The following SYT17 variants were observed in gnomAD, a reference collection of about 807,000 sequenced individuals.
The protein encoded by SYT17 is synaptotagmin 17.
Under a neutral mutation model 46.7 loss-of-function variants are expected in SYT17, and 22 were observed. The ratio of observed to expected loss-of-function variants is 0.47; its 90% CI spans 0.34 to 0.67. SYT17 has a LOEUF of 0.67. SYT17 is among the 30% of genes least tolerant of loss of function. SYT17 has a pLI of 0.01. For missense variants in SYT17, 519 were observed against 612.8 expected (o/e 0.85, Z 1.62); for synonymous variants, 251 against 248.4 (o/e 1.01, Z -0.10).
At chr16:19,177,883 C>T (rs1176886201) in intron 3 of SYT17, among the ~76,000 whole-genome samples, 1 of 152,188 alleles carries the variant, frequency 6.6e-6, no homozygotes, top group Admixed American at 6.5e-5. Context: ...CTACAATGTG[C>T]AGAGCTCTTA....
chr16:19,233,387 C>A (rs747541897), intron 7 of SYT17, among the ~76,000 whole-genome samples: 7 of 151,812 alleles, frequency 4.6e-5, no homozygotes, highest in African/African-American at 9.7e-5. Context: ...CACAGTGACT[C>A]ACATGTATAA....
In SYT17 at chr16:19,168,731, G is replaced by T; in HGVS notation, c.15+70G>T. 7.1e-7 allele frequency: 1 copy of T among 1,412,578 alleles called. No homozygotes were observed. Among genetic ancestry groups the T allele is most frequent in the Non-Finnish European group, 9.3e-7 (1 of 1,078,240 alleles). 87.5% of individuals were successfully genotyped at this position (1,412,578 alleles called of 1,614,324 possible). A position where few individuals can be genotyped will look rare whatever the true frequency, so the allele number is the denominator to read the frequency against. ...TGCCGCGCCCCCTCCGGCTGGGAGC[G>T]CGCGGAAGGGAGGGCCCACGGCTAG... On this transcript the variant is annotated intron_variant, in intron 1 of 7. Transcript: ENST00000355377. The surrounding 1 kb of genome is among the most constrained non-coding windows in gnomAD (Gnocchi z 6.9).
chr16:19,234,140 A>G (rs1208642714), intron 7 of SYT17, among the ~76,000 whole-genome samples: 6 of 152,148 alleles, frequency 3.9e-5, no homozygotes, highest in African/African-American at 1.4e-4. Flanking sequence ...AGCTTGGGCA[A>G]CATAGCGAGA....
intron 4 of SYT17, among the ~76,000 whole-genome samples, chr16:19,182,060 G>A (rs1964581391): frequency 6.6e-6 from 1 of 151,350 alleles, no homozygotes; most frequent in African/African-American, 2.4e-5. Flanking sequence ...TTTTTATATT[G>A]GTTCCATGTT....
At chr16:19,200,462 T>C (rs1360847324) in intron 5 of SYT17, among the ~76,000 whole-genome samples, 2 of 152,220 alleles carry the variant, frequency 1.3e-5, no homozygotes, top group Admixed American at 1.3e-4. Flanking sequence ...ATCCATTGCC[T>C]CTTGTACATT....
chr16:19,219,258 C>T lies in SYT17; in HGVS notation c.952-3787C>T, dbSNP rs1596971057. 5.3e-5 allele frequency among the ~76,000 whole-genome samples: 2 copies of T among 37,430 alleles called. 1 individual carries two copies. The highest frequency in any genetic ancestry group is 8.6e-5 in the Non-Finnish European group (2 of 23,174). 24.6% of individuals were successfully genotyped at this position (37,430 alleles called of 152,430 possible). ...TCTACTAAAAATACAAAAAATTAGC[C>T]GGGCGCGGTGGCGGGCGCCTGTAGT... On this transcript the variant is annotated intron_variant, in intron 5 of 7. Transcript: ENST00000355377.
chr16:19,194,215 CT>C (rs1176701656), intron 5 of SYT17, among the ~76,000 whole-genome samples: 1 of 152,188 alleles, frequency 6.6e-6, no homozygotes, highest in East Asian at 1.9e-4. Flanking sequence ...AAGTGACTGT[CT>C]TGGCAGCCAT....
chr16:19,201,146 G>C (rs530244462), intron 5 of SYT17, among the ~76,000 whole-genome samples: 31 of 152,320 alleles, frequency 2.0e-4, no homozygotes, highest in African/African-American at 6.7e-4. Context: ...TAGAACCTGT[G>C]TGAGAGAGGA....
At chr16:19,173,301 C>T (rs1014691817) in intron 2 of SYT17, 129 bp from the exon 3 acceptor site, 10 of 636,472 alleles carry the variant, frequency 1.6e-5, no homozygotes, top group African/African-American at 1.3e-4. Context: ...GCCAGAACTC[C>T]TGAATGTCTA....
At chr16:19,201,671 T>TA (rs559424751) in intron 5 of SYT17, among the ~76,000 whole-genome samples, 3,735 of 126,058 alleles carry the variant, frequency 0.03, 153 homozygotes, top group African/African-American at 0.095. Context: ...TGCCCCTGCT[T>TA]AAAAAAAAAA....
chr16:19,245,961 A>G (rs1317927706), intron 7 of SYT17, among the ~76,000 whole-genome samples: 2 of 152,070 alleles, frequency 1.3e-5, no homozygotes, highest in Non-Finnish European at 2.9e-5. Flanking sequence ...ATATGCATGT[A>G]TGCATATTAT....
In SYT17 at chr16:19,195,348, T is replaced by C. The variant is rs190861328; in HGVS notation, c.951+11201T>C. On this transcript the variant is annotated intron_variant, in intron 5 of 7. Coordinates refer to ENST00000355377, the MANE Select transcript of SYT17 (RefSeq NM_016524.4). ...CAGTCTCCTCCATGGCACTGCTTCT[T>C]TCATTTATTTATTTAACCTTTTTTT... Among the ~76,000 whole-genome samples the C allele has an allele frequency of 1.5e-3, 225 of 152,276 alleles. 1 individual carries two copies. The highest frequency in any genetic ancestry group is 5.2e-3 in the African/African-American group (215 of 41,556).
intron 5 of SYT17, among the ~76,000 whole-genome samples, chr16:19,195,510 G>C (rs1392670657): frequency 3.3e-5 from 5 of 151,862 alleles, no homozygotes; most frequent in African/African-American, 9.7e-5. Context: ...GAGGTCAGGA[G>C]TTCAAGACCA....
chr16:19,225,838 G>A (rs1966479802), intron 7 of SYT17, among the ~76,000 whole-genome samples: 1 of 152,188 alleles, frequency 6.6e-6, no homozygotes, highest in Non-Finnish European at 1.5e-5. Flanking sequence ...GAATGGCAAG[G>A]AAGAGTCTTT....
At chr16:19,244,179 C>T (rs539819365) in intron 7 of SYT17, among the ~76,000 whole-genome samples, 37 of 152,238 alleles carry the variant, frequency 2.4e-4, no homozygotes, top group Admixed American at 2.2e-3. Flanking sequence ...CTGATGTTAT[C>T]CCATTTTACA....
Position 19,224,926 on chromosome 16 carries a change from C to T in SYT17, c.1228+88C>T, listed in dbSNP as rs1966449850. On this transcript the variant is annotated intron_variant, in intron 7 of 7. Transcript: ENST00000355377. The stretch of plus-strand genomic sequence containing the variant: ...GCCAGAAGGCATCTAGAGAGAGTTA[C>T]ATTTAAGAACGTAATGTCTGGCATT... 1.7e-5 allele frequency: 25 copies of T among 1,464,552 alleles called. No homozygotes were observed. In the South Asian group the frequency reaches 3.1e-4, roughly 18 times the overall value. 90.7% of individuals were successfully genotyped at this position (1,464,552 alleles called of 1,614,324 possible).
chr16:19,235,387 C>T (rs1400039440), intron 7 of SYT17, among the ~76,000 whole-genome samples: 2 of 152,148 alleles, frequency 1.3e-5, no homozygotes, highest in African/African-American at 4.8e-5. Flanking sequence ...ACTGAACTGA[C>T]ATCAAAATAA....
chr16:19,233,966 A>G (rs1966794866), intron 7 of SYT17, among the ~76,000 whole-genome samples: 1 of 152,140 alleles, frequency 6.6e-6, no homozygotes, highest in African/African-American at 2.4e-5. Context: ...TCTGCCTAAT[A>G]GAGAGAAGGT....
chr16:19,219,753 T>G (rs1303556147), intron 5 of SYT17, among the ~76,000 whole-genome samples: 2 of 152,246 alleles, frequency 1.3e-5, no homozygotes, highest in Non-Finnish European at 2.9e-5. Flanking sequence ...CTGTGTGCTA[T>G]CCATCCCCCC....
Sources: gnomAD v4.1 joint callset for allele counts (sites outside exome capture counted in the v4.1 genomes callset) on GRCh38, gnomAD v4.1.1 for gene constraint, Gnocchi (gnomAD v3.1) non-coding constraint, MANE v1.5 for transcripts, NCBI Gene and HGNC (gene_info 2026-07-23, HGNC 2026-07-21) for gene names.